The following XRN1 variants were observed in gnomAD, a reference collection of about 807,000 sequenced individuals.
The protein encoded by XRN1 is strand-exchange protein 1 homolog.
In XRN1, 67 loss-of-function variants were observed where a neutral mutation model predicts 222.3. The ratio of observed to expected loss-of-function variants is 0.30; its 90% CI spans 0.25 to 0.37. XRN1 has a LOEUF of 0.37. Ranked by LOEUF, XRN1 falls within the 10% of genes least tolerant of loss-of-function variation. XRN1 has a pLI of 1.00. For missense variants in XRN1, 1,707 were observed against 2,000.2 expected (o/e 0.85, Z 2.80); for synonymous variants, 643 against 652.4 (o/e 0.99, Z 0.22).
intron 13 of XRN1, among the ~76,000 whole-genome samples, chr3:142,416,897 T>G (rs1218543384): frequency 1.3e-5 from 2 of 151,532 alleles, no homozygotes; most frequent in African/African-American, 2.4e-5. Flanking sequence ...CTGGCCGTGG[T>G]GGCGCATGCC....
chr3:142,414,730 C>T (rs13065140), intron 13 of XRN1, among the ~76,000 whole-genome samples: 57,832 of 151,948 alleles, frequency 0.38, 11,040 homozygotes, highest in Middle Eastern at 0.47. Context: ...CTCCTGATCT[C>T]GTGATCCGCC....
At chr3:142,384,411 T>C in intron 21 of XRN1, 112 bp downstream of exon 21, 1 of 765,598 alleles carries the variant, frequency 1.3e-6, no homozygotes, top group Non-Finnish European at 1.9e-6. Context: ...TGATAATCTC[T>C]ATTATACATT....
In XRN1 at chr3:142,425,449, T is replaced by C. The variant is rs781732951; in HGVS notation, c.496A>G (p.Ile166Val). The change falls in exon 4 of 41, where the codon ATC (isoleucine) becomes GTC (valine). Residue 166 changes from isoleucine to valine, a missense_variant. Ile to Val is a conservative substitution (Grantham distance 29, BLOSUM62 3). Coordinates refer to ENST00000392981, the MANE Select transcript of XRN1 (RefSeq NM_001282857.2). ...ATAACCTCATGGCCTGAGAAGTAGA[T>C]GGTAACTCCTTGCCATGACTTGTCT... ...STDKSWQGVTIYFSGHETPGE... is the reference protein window; with the variant it reads ...STDKSWQGVTVYFSGHETPGE... 6.2e-6 allele frequency: 10 copies of C among 1,612,754 alleles called. No individual in the cohort carries two copies. The highest frequency in any genetic ancestry group is 2.2e-5 in the South Asian group (2 of 90,900).
chr3:142,334,996 G>A (rs912234087), intron 34 of XRN1, among the ~76,000 whole-genome samples: 21 of 151,554 alleles, frequency 1.4e-4, no homozygotes, highest in African/African-American at 3.6e-4. Flanking sequence ...ATGCCACCAC[G>A]CCTGGCTGAT....
intron 18 of XRN1, among the ~76,000 whole-genome samples, chr3:142,400,792 G>T (rs113935221): frequency 6.6e-6 from 1 of 152,046 alleles, no homozygotes; most frequent in Non-Finnish European, 1.5e-5. Context: ...GGTGGCACAC[G>T]CAGTAGTCCC....
chr3:142,401,093 C>T (rs2108018641), intron 18 of XRN1, among the ~76,000 whole-genome samples: 2 of 152,108 alleles, frequency 1.3e-5, no homozygotes, highest in South Asian at 4.2e-4. Flanking sequence ...TTGACTGTTT[C>T]ATATCAAATA....
chr3:142,378,878 A>C (rs1470555779), intron 23 of XRN1, among the ~76,000 whole-genome samples: 1 of 152,182 alleles, frequency 6.6e-6, no homozygotes, highest in African/African-American at 2.4e-5. Flanking sequence ...ATTTCAGAAA[A>C]TGAAAATAGA....
At chr3:142,320,569 C>A (rs1216569770) in intron 37 of XRN1, among the ~76,000 whole-genome samples, 1 of 151,956 alleles carries the variant, frequency 6.6e-6, no homozygotes, top group Admixed American at 6.6e-5. Flanking sequence ...TAGTTGAGTC[C>A]CATTTGTCTA....
chr3:142,333,133 C>A lies in XRN1; in HGVS notation c.3940-44G>T, dbSNP rs763149345. The A allele has an allele frequency of 1.2e-5, 19 of 1,570,150 alleles. No homozygotes were observed. In the Admixed American group the frequency reaches 3.4e-4, roughly 28 times the overall value. ...TGGGCATGAAGATGAACGTATAATA[C>A]AAGAACACACAAAAAGCTGAGTTTT... On this transcript the variant is annotated intron_variant, in intron 34 of 40. Coordinates refer to ENST00000392981, the MANE Select transcript of XRN1 (RefSeq NM_001282857.2).
intron 37 of XRN1, among the ~76,000 whole-genome samples, chr3:142,322,662 C>G (rs913719540): frequency 2.0e-5 from 3 of 151,666 alleles, no homozygotes; most frequent in African/African-American, 7.3e-5. Context: ...GCGAACAGAG[C>G]GAGGTTCTGT....
At chr3:142,359,770 A>G (rs1444944974) in intron 30 of XRN1, 92 bp downstream of exon 30, 4 of 988,062 alleles carry the variant, frequency 4.0e-6, no homozygotes, top group Non-Finnish European at 6.0e-6. Flanking sequence ...CACATCCCAC[A>G]AACTGAAATT....
chr3:142,332,486 T>C lies in XRN1; in HGVS notation c.4111A>G (p.Thr1371Ala), dbSNP rs371286036. The C allele has an allele frequency of 1.9e-6, 3 of 1,612,350 alleles. No homozygotes were observed. Among genetic ancestry groups the C allele is most frequent in the South Asian group, 1.1e-5 (1 of 90,734 alleles). ...KEILKIDGSN[T>A]VDHKNEIKQI... The stretch of plus-strand genomic sequence containing the variant: ...TTGATTTCATTCTTATGGTCCACAG[T>C]GTTAGAGCCATCAATTTTTAGAATT... Residue 1371 changes from threonine to alanine, a missense_variant, in exon 36 of 41, where the codon ACT becomes GCT. Around this residue, in one of 2 missense-constraint regions of XRN1, gnomAD observed 473 missense variants for 482.0 expected, o/e 0.98. Transcript: ENST00000392981.
intron 32 of XRN1, among the ~76,000 whole-genome samples, chr3:142,355,005 A>G (rs949920262): frequency 1.3e-5 from 2 of 152,044 alleles, no homozygotes; most frequent in East Asian, 1.9e-4. Context: ...GTTCTCACTT[A>G]TAAGTGGGAG....
Position 142,431,235 on chromosome 3 carries a change from A to G in XRN1, c.308+1426T>C, listed in dbSNP as rs529779073. ...AGTATAAAAACTTGTGACAGAAAAC[A>G]AAAGTGTGACTTTATAAGCAAGGAA... On this transcript the variant is annotated intron_variant, in intron 2 of 40. Transcript: ENST00000392981. 3.3e-5 allele frequency among the ~76,000 whole-genome samples: 5 copies of G among 152,352 alleles called. No individual in the cohort carries two copies. The South Asian group carries it at 1.0e-3, about 32-fold the overall frequency.
chr3:142,355,254 A>T (rs1027072433), intron 32 of XRN1, 147 bp downstream of exon 32: 6 of 337,272 alleles, frequency 1.8e-5, no homozygotes, highest in Middle Eastern at 8.1e-4. Context: ...GAAATTATTT[A>T]AAAAAAGAAA....
At chr3:142,324,566 G>A (rs139099511) in intron 37 of XRN1, among the ~76,000 whole-genome samples, 1,775 of 152,020 alleles carry the variant, frequency 0.012, 22 homozygotes, top group African/African-American at 0.031. Context: ...AGGTGTGCAT[G>A]TGTCTTTATA....
chr3:142,418,415 T>C (rs973272839), intron 12 of XRN1, 89 bp downstream of exon 12: 1 of 1,023,408 alleles, frequency 9.8e-7, no homozygotes, highest in Non-Finnish European at 1.4e-6. Context: ...ATCCTTTTTC[T>C]CCCACTACTT....
intron 30 of XRN1, among the ~76,000 whole-genome samples, chr3:142,357,832 T>C (rs2066505187): frequency 6.6e-6 from 1 of 152,054 alleles, no homozygotes; most frequent in South Asian, 2.1e-4. Flanking sequence ...GGTCAGAAGT[T>C]CAAGACCAGC....
At chr3:142,320,656 G>A (rs962875733) in intron 37 of XRN1, among the ~76,000 whole-genome samples, 6 of 151,968 alleles carry the variant, frequency 3.9e-5, no homozygotes, top group Admixed American at 1.3e-4. Context: ...GTTTTTCCTA[G>A]GGTTTCTTAT....
Sources: gnomAD v4.1 joint callset for allele counts (sites outside exome capture counted in the v4.1 genomes callset) on GRCh38, gnomAD v4.1.1 for gene constraint, gnomAD v4.1.1 regional missense constraint, MANE v1.5 for transcripts, NCBI Gene and HGNC (gene_info 2026-07-23, HGNC 2026-07-21) for gene names.